Variants in IMPG1 observed in about 807,000 individuals in gnomAD.
IMPG1 encodes interphotoreceptor matrix proteoglycan 1, also known as interphotoreceptor matrix proteoglycan of 150 kDa.
IMPG1 carries 85 observed loss-of-function variants against 92.0 expected under a neutral mutation model. The ratio of observed to expected loss-of-function variants is 0.92; its 90% confidence interval spans 0.78 to 1.11. IMPG1 has a LOEUF of 1.11. Among genes scored for constraint, IMPG1 ranks in the 50% least tolerant of loss-of-function variants. The pLI, the probability that IMPG1 is intolerant of heterozygous loss-of-function variation, is 0.00. For synonymous variants in IMPG1, 367 were observed against 334.1 expected, an observed-to-expected ratio of 1.10 and a Z score of -1.08; for missense variants, 1,022 against 956.0, an observed-to-expected ratio of 1.07 and a Z score of -0.91.
intron 13 of IMPG1, 27 bp from the exon 14 acceptor site, chr6:75,947,560 T>A: frequency 9.7e-6 from 15 of 1,542,624 alleles, no homozygotes; most frequent in Non-Finnish European, 1.3e-5. Flanking sequence ...GGTTTCCTCT[T>A]AACTGTGTTC....
intron 5 of IMPG1, among the ~76,000 whole-genome samples, chr6:76,023,110 C>G (rs1783462364): frequency 6.6e-6 from 1 of 152,098 alleles, no homozygotes; most frequent in South Asian, 2.1e-4. Flanking sequence ...ATTGTGCTTC[C>G]TAGTGGGGGC....
chr6:76,040,829 A>T (rs978375512), intron 2 of IMPG1, among the ~76,000 whole-genome samples: 5 of 152,248 alleles, frequency 3.3e-5, no homozygotes, highest in Admixed American at 6.5e-5. Flanking sequence ...ACTTGGGCAC[A>T]TCTAACAAAA....
chr6:75,929,813 TTAA>T (rs2149449808), intron 15 of IMPG1, among the ~76,000 whole-genome samples: 1 of 152,286 alleles, frequency 6.6e-6, no homozygotes, highest in Non-Finnish European at 1.5e-5. Context: ...CTATTTTGAG[TTAA>T]TTTTTGTATG....
At chr6:76,070,289 A>C (rs891295400) in intron 1 of IMPG1, among the ~76,000 whole-genome samples, 1 of 152,204 alleles carries the variant, frequency 6.6e-6, no homozygotes, top group African/African-American at 2.4e-5. Flanking sequence ...ACTATCTCAC[A>C]TAAGTCAGAA....
intron 12 of IMPG1, among the ~76,000 whole-genome samples, chr6:75,955,447 T>C (rs1373359040): frequency 6.6e-6 from 1 of 152,218 alleles, no homozygotes; most frequent in African/African-American, 2.4e-5. Context: ...TACTTGTGAT[T>C]TTTGCACATT....
intron 1 of IMPG1, among the ~76,000 whole-genome samples, chr6:76,047,130 T>C (rs575983471): frequency 2.0e-4 from 31 of 152,288 alleles, no homozygotes; most frequent in Non-Finnish European, 3.4e-4. Flanking sequence ...CTACCACTCT[T>C]CTTTTCTAAC....
chr6:76,037,814 G>A (rs1339310489), intron 2 of IMPG1, among the ~76,000 whole-genome samples: 1 of 152,214 alleles, frequency 6.6e-6, no homozygotes, highest in Non-Finnish European at 1.5e-5. Flanking sequence ...ATATCTAAGT[G>A]TTGGTGACTT....
At chr6:75,969,657 C>G (rs550729569) in intron 12 of IMPG1, among the ~76,000 whole-genome samples, 1 of 152,100 alleles carries the variant, frequency 6.6e-6, no homozygotes, top group East Asian at 1.9e-4. Flanking sequence ...TGCTGGAACC[C>G]ATGAGACAGA....
chr6:76,003,777 G>C lies in IMPG1; in HGVS notation c.1212+97C>G, dbSNP rs1391253552. On this transcript the variant is annotated intron_variant, in intron 11 of 16. Transcript: ENST00000369950. ...AAGAATTTAATTAGCATTGCAAAGG[G>C]GATTTTGCTCTGTTCATTTCTTAAG... is the stretch of plus-strand genomic sequence containing the variant. 3.5e-6 allele frequency: 3 copies of C among 859,042 alleles called. No individual in the cohort carries two copies. In the African/African-American group the frequency reaches 5.3e-5, roughly 15 times the overall value. The allele number at this position is 859,042 out of a possible 1,614,324, so 53.2% of individuals were successfully genotyped here. A position where few individuals can be genotyped will look rare whatever the true frequency, so the allele number is the denominator to read the frequency against.
At chr6:75,956,297 A>T (rs1048441941) in intron 12 of IMPG1, among the ~76,000 whole-genome samples, 4 of 152,146 alleles carry the variant, frequency 2.6e-5, no homozygotes, top group Non-Finnish European at 5.9e-5. Flanking sequence ...CTATTCAAGG[A>T]TTCAACTTCT....
At chr6:76,016,534 GA>G (rs755852821) in intron 7 of IMPG1, among the ~76,000 whole-genome samples, 84 of 152,178 alleles carry the variant, frequency 5.5e-4, no homozygotes, top group Non-Finnish European at 1.2e-4. Flanking sequence ...GACATTTATA[GA>G]AATAATTCTT....
At chr6:76,060,675 A>G (rs1784190859) in intron 1 of IMPG1, among the ~76,000 whole-genome samples, 1 of 152,096 alleles carries the variant, frequency 6.6e-6, no homozygotes, top group Non-Finnish European at 1.5e-5. Flanking sequence ...TAAAACTCAC[A>G]TTTTGGTCAG....
chr6:76,001,145 T>C (rs79151030), intron 12 of IMPG1, among the ~76,000 whole-genome samples: 1,581 of 152,284 alleles, frequency 0.01, 29 homozygotes, highest in African/African-American at 0.036. Context: ...AATGTATAAA[T>C]AAAATGGAAA....
At chr6:75,937,315 C>T (rs1781762814) in intron 14 of IMPG1, among the ~76,000 whole-genome samples, 1 of 150,714 alleles carries the variant, frequency 6.6e-6, no homozygotes, top group Non-Finnish European at 1.5e-5. Flanking sequence ...TAAGAAATTT[C>T]ATTTGGCGAA....
chr6:75,938,836 C>CAAAAT (rs1461785296), intron 14 of IMPG1, among the ~76,000 whole-genome samples: 6 of 150,810 alleles, frequency 4.0e-5, no homozygotes, highest in Non-Finnish European at 7.4e-5. Flanking sequence ...CAAAACAAAA[C>CAAAAT]AAAACAAAAC....
At chr6:76,001,072 A>C (rs914637858) in intron 12 of IMPG1, among the ~76,000 whole-genome samples, 3 of 152,242 alleles carry the variant, frequency 2.0e-5, no homozygotes, top group Non-Finnish European at 4.4e-5. Context: ...CAGAAGCTTA[A>C]CCAAATTATC....
intron 12 of IMPG1, among the ~76,000 whole-genome samples, chr6:75,955,610 G>A (rs1782106021): frequency 1.3e-5 from 2 of 151,998 alleles, no homozygotes; most frequent in Admixed American, 1.3e-4. Context: ...TTGCCTGATT[G>A]CCCTGGCCAG....
At chr6:75,966,038 C>T (rs890713488) in intron 12 of IMPG1, among the ~76,000 whole-genome samples, 11 of 152,210 alleles carry the variant, frequency 7.2e-5, no homozygotes, top group Non-Finnish European at 1.6e-4. Context: ...CTAGGATATA[C>T]GAGACAAAAA....
chr6:76,071,312 C>T (rs1007227244), intron 1 of IMPG1, among the ~76,000 whole-genome samples: 17 of 150,242 alleles, frequency 1.1e-4, no homozygotes, highest in East Asian at 7.8e-4. Context: ...ATCAAGTCTA[C>T]GAAATAGTCA....
Sources: gnomAD v4.1 joint callset for allele counts (sites outside exome capture counted in the v4.1 genomes callset) on GRCh38, gnomAD v4.1.1 for gene constraint, MANE v1.5 for transcripts, NCBI Gene and HGNC (gene_info 2026-07-23, HGNC 2026-07-21) for gene names.